The following PCDHA9 variants were observed in gnomAD, a reference collection of about 807,000 sequenced individuals.
The protein encoded by PCDHA9 is protocadherin alpha 9.
Under a neutral mutation model 62.0 loss-of-function variants are expected in PCDHA9, and 62 were observed. The ratio of observed to expected loss-of-function variants is 1.00; its 90% confidence interval spans 0.81 to 1.23. The LOEUF is 1.23. Among genes scored for constraint, PCDHA9 ranks in the 50% most tolerant of loss-of-function variants. PCDHA9 has a pLI of 0.00. For synonymous variants in PCDHA9, 557 were observed against 567.6 expected (o/e 0.98, Z 0.27); for missense variants, 1,205 against 1,249.8 (o/e 0.96, Z 0.54).
chr5:140,967,974 G>A (rs782644202), intron 1 of PCDHA9: 3 of 1,614,204 alleles, frequency 1.9e-6, no homozygotes, highest in South Asian at 1.1e-5. Flanking sequence ...GTGAGCCTGG[G>A]TCTGGAGGCC....
intron 1 of PCDHA9, among the ~76,000 whole-genome samples, chr5:140,924,896 AAAAAAAAAATAAAAT>A (rs1195249436): frequency 5.8e-5 from 4 of 69,076 alleles, no homozygotes; most frequent in Non-Finnish European, 9.1e-5. Flanking sequence ...ACCTGTCTCA[AAAAAAAAAATAAAAT>A]AAAATAAAAT....
chr5:140,874,587 T>A (rs1221042797), intron 1 of PCDHA9, among the ~76,000 whole-genome samples: 1 of 152,256 alleles, frequency 6.6e-6, no homozygotes, highest in Admixed American at 6.5e-5. Flanking sequence ...TGCTTTGGGA[T>A]AGTGTGAAAT....
At chr5:140,982,360 AG>A in intron 2 of PCDHA9, 114 bp from the exon 3 acceptor site, 1 of 1,527,158 alleles carries the variant, frequency 6.5e-7, no homozygotes, top group Non-Finnish European at 8.8e-7. Context: ...AAGCATGAGC[AG>A]AATGTGTTAG....
At chr5:140,997,884 C>G (rs2097789340) in intron 3 of PCDHA9, among the ~76,000 whole-genome samples, 1 of 152,076 alleles carries the variant, frequency 6.6e-6, no homozygotes, top group African/African-American at 2.4e-5. Context: ...AGTATTTATA[C>G]AGGATAAATT....
chr5:140,954,091 A>G (rs1055518318), intron 1 of PCDHA9, among the ~76,000 whole-genome samples: 1 of 152,204 alleles, frequency 6.6e-6, no homozygotes, highest in African/African-American at 2.4e-5. Flanking sequence ...AGCTCCATCC[A>G]TGTCCCTGCA....
chr5:140,852,025 G>T, intron 1 of PCDHA9: 1 of 947,208 alleles, frequency 1.1e-6, no homozygotes. Flanking sequence ...TAAAAACTTC[G>T]CTTATTGAGT....
chr5:140,884,172 G>T lies in PCDHA9; in HGVS notation c.2394+33283G>T, dbSNP rs142435897. ...TACACTGGCGAGATCAGCACGACGCGCCCTCTGGACGAGGTGGACGCGCCG... is the reference window on the plus strand; with the variant it reads ...TACACTGGCGAGATCAGCACGACGCTCCCTCTGGACGAGGTGGACGCGCCG... On this transcript the variant is annotated intron_variant, in intron 1 of 3. Transcript: ENST00000532602. 84 of 1,613,386 alleles carry T rather than the reference G, an allele frequency of 5.2e-5. No homozygotes were observed. In the African/African-American group the frequency reaches 9.2e-4, roughly 18 times the overall value.
Position 140,927,704 on chromosome 5 carries a change from C to T in PCDHA9, c.2395-51245C>T, listed in dbSNP as rs782172290. ...GGGTCCAATGGGGAAGTCCAGTACT[C>T]CCTAAGCAACAGCACGCAAGCAGAG... On this transcript the variant is annotated intron_variant, in intron 1 of 3. Coordinates refer to ENST00000532602, the MANE Select transcript of PCDHA9 (RefSeq NM_031857.2). 6.2e-6 allele frequency: 10 copies of T among 1,614,072 alleles called. No homozygotes were observed. In the Admixed American group the frequency reaches 1.2e-4, roughly 19 times the overall value.
At chr5:140,988,253 C>A (rs982953260) in intron 3 of PCDHA9, among the ~76,000 whole-genome samples, 1 of 152,188 alleles carries the variant, frequency 6.6e-6, no homozygotes, top group Non-Finnish European at 1.5e-5. Context: ...CAGCTCCCGC[C>A]TGTGAGTATC....
intron 3 of PCDHA9, among the ~76,000 whole-genome samples, chr5:140,984,059 C>G (rs1269975627): frequency 6.6e-6 from 1 of 152,108 alleles, no homozygotes; most frequent in East Asian, 1.9e-4. Context: ...CAAATCTGTA[C>G]CCTCAGTGCC....
intron 3 of PCDHA9, among the ~76,000 whole-genome samples, chr5:141,007,395 CAAAAAAA>C (rs35800918): frequency 2.2e-3 from 204 of 94,846 alleles, no homozygotes; most frequent in African/African-American, 7.3e-3. Flanking sequence ...TACTAAAATA[CAAAAAAA>C]AAAAAAAAAA....
At chr5:140,858,018 C>T in intron 1 of PCDHA9, 1 of 1,596,908 alleles carries the variant, frequency 6.3e-7, no homozygotes, top group Non-Finnish European at 8.6e-7. Context: ...GGCGAGCCGT[C>T]GCTGACGGCC....
rs2150412105 is a variant in PCDHA9 at position 140,848,532 on chromosome 5, C to G, written c.37C>G (p.Pro13Ala). 1 of 1,594,974 alleles carries G rather than the reference C, an allele frequency of 6.3e-7. No individual in the cohort carries two copies. Among genetic ancestry groups the G allele is most frequent in the Non-Finnish European group, 8.6e-7 (1 of 1,165,136 alleles). ...YSSRGDPEGQPLLLSLLILAM... is the reference protein window; with the variant it reads ...YSSRGDPEGQALLLSLLILAM... Reference sequence around the variant, plus strand: ...AAGTCGAGGAGATCCAGAGGGTCAGCCTCTACTGCTCTCGCTTCTGATCCT... The same window carrying G: ...AAGTCGAGGAGATCCAGAGGGTCAGGCTCTACTGCTCTCGCTTCTGATCCT... Residue 13 changes from proline to alanine, a missense_variant, in exon 1 of 4, where the codon CCT (proline) becomes GCT (alanine). This residue lies in a region of PCDHA9 where 208 missense variants were observed against 213.2 expected (regional missense o/e 0.98). Coordinates refer to ENST00000532602, the MANE Select transcript of PCDHA9 (RefSeq NM_031857.2).
chr5:140,891,694 T>A (rs1302084074), intron 1 of PCDHA9, among the ~76,000 whole-genome samples: 1 of 152,236 alleles, frequency 6.6e-6, no homozygotes, highest in East Asian at 1.9e-4. Flanking sequence ...TTCTTGCTGT[T>A]GTCTGAATTT....
intron 1 of PCDHA9, among the ~76,000 whole-genome samples, chr5:140,916,217 A>T (rs1050976167): frequency 6.6e-6 from 1 of 152,132 alleles, no homozygotes; most frequent in Non-Finnish European, 1.5e-5. Context: ...GGAAGATCCA[A>T]ATATGCTTTC....
chr5:140,850,772 C>A lies in PCDHA9; in HGVS notation c.2277C>A (p.Cys759Ter), dbSNP rs2041813098. 4.4e-6 allele frequency: 7 copies of A among 1,598,004 alleles called. 1 individual carries two copies. Among genetic ancestry groups the A allele is most frequent in the Non-Finnish European group, 6.0e-6 (7 of 1,167,724 alleles). Reference sequence around the variant, plus strand: ...CGCAGCAGAGGAGGCAGAGGGTGTGCTCTGGCGAGGGTAAGCAGAAGACCG... The same window carrying A: ...CGCAGCAGAGGAGGCAGAGGGTGTGATCTGGCGAGGGTAAGCAGAAGACCG... ...SYSQQRRQRV[C>*]SGEGKQKTDL... is the part of the protein sequence containing the mutation. The change falls in exon 1 of 4, where the codon TGC becomes TGA. Residue 759 changes from cysteine to a stop codon, truncating the protein, a stop_gained. Transcript: ENST00000532602. LOFTEE classifies it high-confidence loss of function.
chr5:140,886,217 T>C (rs548266069), intron 1 of PCDHA9, among the ~76,000 whole-genome samples: 3 of 152,240 alleles, frequency 2.0e-5, no homozygotes, highest in African/African-American at 7.2e-5. Flanking sequence ...TTTCTCTAAT[T>C]TTGTTACTTT....
intron 1 of PCDHA9, among the ~76,000 whole-genome samples, chr5:140,946,631 T>TATACATACAC (rs57893927): frequency 7.6e-6 from 1 of 131,846 alleles, no homozygotes; most frequent in Non-Finnish European, 1.5e-5. Context: ...TATATATATA[T>TATACATACAC]ACAATGGAAT....
chr5:141,002,497 CT>C (rs1310638544), intron 3 of PCDHA9, among the ~76,000 whole-genome samples: 1 of 152,204 alleles, frequency 6.6e-6, no homozygotes, highest in Non-Finnish European at 1.5e-5. Flanking sequence ...TGTTATACAG[CT>C]CAGGATCTGA....
Sources: gnomAD v4.1 joint callset for allele counts (sites outside exome capture counted in the v4.1 genomes callset) on GRCh38, gnomAD v4.1.1 for gene constraint, gnomAD v4.1.1 regional missense constraint, MANE v1.5 for transcripts, NCBI Gene and HGNC (gene_info 2026-07-23, HGNC 2026-07-21) for gene names.